The following PSD3 variants were observed in gnomAD, a reference collection of about 807,000 sequenced individuals.
PSD3 encodes the protein pleckstrin and Sec7 domain containing 3.
Under a neutral mutation model 105.5 loss-of-function variants are expected in PSD3, and 49 were observed. The ratio of observed to expected loss-of-function variants is 0.46; its 90% CI spans 0.37 to 0.59. PSD3 has a LOEUF of 0.59. Ranked by LOEUF, PSD3 falls within the 20% of genes least tolerant of loss-of-function variation. The probability of loss-of-function intolerance (pLI) is 0.00; values close to 1 mark genes in which losing one functional copy is unlikely to be tolerated. For synonymous variants in PSD3, 557 were observed against 457.8 expected (o/e 1.22, Z -2.77); for missense variants, 1,561 against 1,263.8 (o/e 1.24, Z -3.57).
chr8:18,743,416 G>A (rs892320850), intron 9 of PSD3, among the ~76,000 whole-genome samples: 5 of 152,120 alleles, frequency 3.3e-5, no homozygotes, highest in African/African-American at 1.2e-4. Context: ...TTTAGAAAAT[G>A]TTCGAGCATG....
intron 9 of PSD3, among the ~76,000 whole-genome samples, chr8:18,662,640 G>A (rs1213871202): frequency 6.6e-6 from 1 of 152,164 alleles, no homozygotes; most frequent in Non-Finnish European, 1.5e-5. Context: ...ATAGGAGAGG[G>A]CTGCATAAAG....
In PSD3 at chr8:18,534,570, C is replaced by G. The variant is rs539797358; in HGVS notation, c.*1173G>C. Reference sequence around the variant, plus strand: ...TCAAGGAGACTGAGACAAGAATAAACAAAGTCACTTTGCACCTGCAACCAG... The same window carrying G: ...TCAAGGAGACTGAGACAAGAATAAAGAAAGTCACTTTGCACCTGCAACCAG... On this transcript the variant is annotated 3_prime_UTR_variant, in exon 16 of 16. Transcript: ENST00000327040. 1.3e-5 allele frequency: 2 copies of G among 152,266 alleles called. No homozygotes were observed. Among genetic ancestry groups the G allele is most frequent in the Admixed American group, 1.3e-4 (2 of 15,284 alleles). The allele number at this position is 152,266 out of a possible 1,614,324, so 9.4% of individuals were successfully genotyped here. A position where few individuals can be genotyped will look rare whatever the true frequency, so the allele number is the denominator to read the frequency against.
At chr8:18,896,570 C>T (rs1338626236) in intron 2 of PSD3, among the ~76,000 whole-genome samples, 2 of 152,044 alleles carry the variant, frequency 1.3e-5, no homozygotes, top group African/African-American at 4.8e-5. Flanking sequence ...CACACCACCA[C>T]CTCAGCTAAT....
chr8:18,534,872 T>C lies in PSD3; in HGVS notation c.*871A>G, dbSNP rs1039825942. ...AAATCTATTCCTGGATGGAAGGATATCAACGATAGAGATGATGGATTTCTA... is the reference window on the plus strand; with the variant it reads ...AAATCTATTCCTGGATGGAAGGATACCAACGATAGAGATGATGGATTTCTA... On this transcript the variant is annotated 3_prime_UTR_variant, in exon 16 of 16. Coordinates refer to ENST00000327040, the MANE Select transcript of PSD3 (RefSeq NM_015310.4). 2.0e-5 allele frequency: 3 copies of C among 152,472 alleles called. No individual in the cohort carries two copies. Among genetic ancestry groups the C allele is most frequent in the Admixed American group, 6.6e-5 (1 of 15,260 alleles). 9.4% of individuals were successfully genotyped at this position (152,472 alleles called of 1,614,324 possible).
chr8:18,867,010 C>T (rs1474286566), intron 4 of PSD3, among the ~76,000 whole-genome samples: 3 of 151,944 alleles, frequency 2.0e-5, no homozygotes, highest in Non-Finnish European at 2.9e-5. Flanking sequence ...CATAAATAGT[C>T]GCGGAATCCC....
chr8:19,045,049 G>A (rs1896202), intron 1 of PSD3, among the ~76,000 whole-genome samples: 12,003 of 152,130 alleles, frequency 0.079, 1,587 homozygotes, highest in African/African-American at 0.27. Context: ...GCTGAGTGTG[G>A]TGGTGCACAC....
chr8:18,746,507 G>A (rs62495853), intron 9 of PSD3, among the ~76,000 whole-genome samples: 8,420 of 152,220 alleles, frequency 0.055, 507 homozygotes, highest in African/African-American at 0.16. Flanking sequence ...GCCAAGGGAG[G>A]TCCAGGGGGG....
intron 4 of PSD3, among the ~76,000 whole-genome samples, chr8:18,845,469 C>T (rs17127302): frequency 0.036 from 5,540 of 152,288 alleles, 110 homozygotes; most frequent in Admixed American, 0.069. Context: ...GTGCATAGCA[C>T]GGCATTCGGA....
intron 4 of PSD3, among the ~76,000 whole-genome samples, chr8:18,823,196 C>T (rs900742619): frequency 2.6e-5 from 4 of 151,948 alleles, no homozygotes; most frequent in African/African-American, 2.4e-5. Flanking sequence ...AGAGGATACA[C>T]TCCTTTCTTC....
At chr8:18,648,140 C>G (rs1808193874) in intron 10 of PSD3, among the ~76,000 whole-genome samples, 1 of 151,976 alleles carries the variant, frequency 6.6e-6, no homozygotes, top group South Asian at 2.1e-4. Flanking sequence ...TAAAAAATAC[C>G]TGAAAATGTA....
At chr8:18,838,469 G>A (rs1432774376) in intron 4 of PSD3, among the ~76,000 whole-genome samples, 1 of 151,958 alleles carries the variant, frequency 6.6e-6, no homozygotes. Flanking sequence ...AATGAAGTTG[G>A]GGCAACTGAG....
At chr8:18,902,742 A>C (rs1819588484) in intron 2 of PSD3, among the ~76,000 whole-genome samples, 1 of 152,190 alleles carries the variant, frequency 6.6e-6, no homozygotes, top group Admixed American at 6.5e-5. Flanking sequence ...CAGGTGCAGT[A>C]GTAGAGTCTC....
intron 2 of PSD3, among the ~76,000 whole-genome samples, chr8:18,915,805 T>C (rs865810156): frequency 2.6e-5 from 4 of 152,008 alleles, no homozygotes; most frequent in Middle Eastern, 6.8e-3. Context: ...TTTAAAAAAA[T>C]AAAAATAGGG....
At chr8:18,605,248 T>C (rs1804733250) in intron 11 of PSD3, among the ~76,000 whole-genome samples, 1 of 152,156 alleles carries the variant, frequency 6.6e-6, no homozygotes, top group African/African-American at 2.4e-5. Flanking sequence ...TGTCCAATGC[T>C]GTGGGAGCCT....
intron 1 of PSD3, among the ~76,000 whole-genome samples, chr8:19,074,611 ATTTTTTTTTTTT>A (rs1206111403): frequency 4.1e-5 from 1 of 24,232 alleles, no homozygotes; most frequent in East Asian, 2.1e-3. Flanking sequence ...ATATATATAT[ATTTTTTTTTTTT>A]TTTTTTTTTT....
At chr8:19,044,977 G>A (rs577329550) in intron 1 of PSD3, among the ~76,000 whole-genome samples, 2 of 152,276 alleles carry the variant, frequency 1.3e-5, no homozygotes, top group South Asian at 4.2e-4. Flanking sequence ...CTGAGGTCAG[G>A]AGTTCAAGAC....
chr8:19,029,234 T>C (rs1278595644), intron 1 of PSD3, among the ~76,000 whole-genome samples: 1 of 152,228 alleles, frequency 6.6e-6, no homozygotes, highest in African/African-American at 2.4e-5. Context: ...ACTGAATCTG[T>C]AGGTCAGCTT....
chr8:18,819,444 T>A (rs1812501690), intron 4 of PSD3, among the ~76,000 whole-genome samples: 1 of 152,090 alleles, frequency 6.6e-6, no homozygotes, highest in African/African-American at 2.4e-5. Context: ...CCCCAAACTC[T>A]TCCCCTGAAC....
intron 1 of PSD3, among the ~76,000 whole-genome samples, chr8:19,043,512 G>A (rs889131230): frequency 2.6e-4 from 39 of 152,108 alleles, no homozygotes; most frequent in African/African-American, 6.8e-4. Context: ...TAGAGTTGTT[G>A]GGGGAAATAA....
Sources: allele counts gnomAD v4.1 joint callset (sites outside exome capture counted in the v4.1 genomes callset), GRCh38; gene constraint gnomAD v4.1.1; transcripts MANE v1.5; gene names NCBI Gene and HGNC (gene_info 2026-07-23, HGNC 2026-07-21).